EPB41L5: variants seen among roughly 807,000 people sequenced by gnomAD.
EPB41L5 encodes the protein erythrocyte membrane protein band 4.1 like 5, also known as band 4.1-like protein 5.
EPB41L5 carries 55 observed loss-of-function variants against 106.6 expected under a neutral mutation model. That is an observed-to-expected ratio of 0.52 (90% confidence interval 0.42 to 0.65). The LOEUF is 0.65. Among genes scored for constraint, EPB41L5 ranks in the 30% least tolerant of loss-of-function variants. The pLI is 0.00. For missense variants in EPB41L5, 871 were observed against 882.1 expected (o/e 0.99, Z 0.16); for synonymous variants, 297 against 306.7 (o/e 0.97, Z 0.33).
At chr2:120,045,916 T>C (rs1679740633) in intron 3 of EPB41L5, among the ~76,000 whole-genome samples, 1 of 152,172 alleles carries the variant, frequency 6.6e-6, no homozygotes, top group Admixed American at 6.5e-5. Context: ...TTGTTTGGTT[T>C]TCTGTCCTTG....
chr2:120,045,253 A>G (rs1431658327), intron 3 of EPB41L5, among the ~76,000 whole-genome samples: 1 of 152,232 alleles, frequency 6.6e-6, no homozygotes, highest in Non-Finnish European at 1.5e-5. Context: ...CGATGAAGCC[A>G]AAGTTCACTT....
At position 120,039,845 on chromosome 2, in the gene EPB41L5, A is replaced by AG. The variant is rs1421585559; in HGVS notation, c.181-2161_181-2160insG. ...TGTCTCAGGAAAAAAAAAAAAAAAAAAAGAAGAAAGTAATTTTATGAATAA... is the reference window on the plus strand; with the variant it reads ...TGTCTCAGGAAAAAAAAAAAAAAAAAGAAGAAGAAAGTAATTTTATGAATAA... On this transcript the variant is annotated intron_variant, in intron 2 of 24. Transcript: ENST00000263713. Among the ~76,000 whole-genome samples the AG allele has an allele frequency of 3.7e-3, 568 of 151,512 alleles. 2 individuals are homozygous for AG. The highest frequency in any genetic ancestry group is 0.012 in the African/African-American group (514 of 41,268).
chr2:120,045,704 C>T (rs1679720697), intron 3 of EPB41L5, among the ~76,000 whole-genome samples: 1 of 151,996 alleles, frequency 6.6e-6, no homozygotes, highest in African/African-American at 2.4e-5. Flanking sequence ...TTCTAGGATA[C>T]ATGTGCACAA....
At chr2:120,086,385 G>GTA (rs1487108951) in intron 10 of EPB41L5, among the ~76,000 whole-genome samples, 1 of 152,170 alleles carries the variant, frequency 6.6e-6, no homozygotes, top group African/African-American at 2.4e-5. Context: ...GAATTTACAA[G>GTA]TAGGGAGATA....
rs560433313 is a variant in EPB41L5, at chr2:120,090,468, G to A, written c.995G>A (p.Ser332Asn). The A allele has an allele frequency of 5.0e-6, 8 of 1,613,648 alleles. No individual in the cohort carries two copies. The highest frequency in any genetic ancestry group is 1.3e-5 in the African/African-American group (1 of 75,010). The change falls in exon 12 of 25, where the codon AGT becomes AAT. Residue 332 changes from serine to asparagine, a missense_variant. Physicochemically the swap from Ser to Asn is conservative, Grantham distance 46. Coordinates refer to ENST00000263713, the MANE Select transcript of EPB41L5 (RefSeq NM_020909.4). ...FFRLRGPVQK[S>N]SHRSGFIRLG... Reference sequence around the variant, plus strand: ...CGCCTTCGAGGCCCCGTCCAAAAGAGTTCTCATCGATCAGGATTTATTCGA... The same window carrying A: ...CGCCTTCGAGGCCCCGTCCAAAAGAATTCTCATCGATCAGGATTTATTCGA...
intron 2 of EPB41L5, among the ~76,000 whole-genome samples, chr2:120,032,971 T>A (rs1419320771): frequency 6.6e-6 from 1 of 152,240 alleles, no homozygotes; most frequent in Non-Finnish European, 1.5e-5. Context: ...AAAATGTTTT[T>A]TTCCTGTAAT....
intron 16 of EPB41L5, chr2:120,104,519 T>C (rs17669532): frequency 0.065 from 68,898 of 1,064,874 alleles, 2,459 homozygotes; most frequent in Non-Finnish European, 0.072. Context: ...TGTTCACACA[T>C]CACCAGACTG....
intron 16 of EPB41L5, among the ~76,000 whole-genome samples, chr2:120,121,871 C>T (rs1685230115): frequency 6.6e-6 from 1 of 152,212 alleles, no homozygotes; most frequent in African/African-American, 2.4e-5. Context: ...GATTGCCATT[C>T]TAACTGGTGT....
chr2:120,042,995 ATGTGTGTG>A (rs60253351), intron 3 of EPB41L5, among the ~76,000 whole-genome samples: 18,628 of 69,140 alleles, frequency 0.27, 1,299 homozygotes, highest in South Asian at 0.41. Flanking sequence ...TTTTCTGGAA[ATGTGTGTG>A]TGTGTGTGTG....
intron 3 of EPB41L5, among the ~76,000 whole-genome samples, chr2:120,056,387 C>T (rs1362278509): frequency 3.3e-5 from 5 of 151,630 alleles, no homozygotes; most frequent in African/African-American, 2.4e-5. Flanking sequence ...GCAACATCTG[C>T]CTCCTGGTTC....
At chr2:120,017,310 T>TA (rs1677590930) in intron 1 of EPB41L5, among the ~76,000 whole-genome samples, 1 of 152,260 alleles carries the variant, frequency 6.6e-6, no homozygotes, top group African/African-American at 2.4e-5. Context: ...TACCTCTTAT[T>TA]ATGTACCTCC....
intron 16 of EPB41L5, among the ~76,000 whole-genome samples, chr2:120,120,082 G>T (rs1471731035): frequency 6.6e-6 from 1 of 151,982 alleles, no homozygotes; most frequent in Non-Finnish European, 1.5e-5. Context: ...CTCTCATCTT[G>T]GATTTTTGAG....
rs534334773 is a variant in EPB41L5, at chr2:120,104,200, A to T, written c.1337+3386A>T. ...GTGAAGAATGCAGGAATCCGTCATGATGTTCATTTTCCTGGCCATACAGCC... is the reference window on the plus strand; with the variant it reads ...GTGAAGAATGCAGGAATCCGTCATGTTGTTCATTTTCCTGGCCATACAGCC... On this transcript the variant is annotated intron_variant, in intron 16 of 24. Coordinates refer to ENST00000263713, the MANE Select transcript of EPB41L5 (RefSeq NM_020909.4). 4 of 1,535,906 alleles carry T rather than the reference A, an allele frequency of 2.6e-6. No individual in the cohort carries two copies. In the South Asian group the frequency reaches 4.8e-5, roughly 18 times the overall value.
intron 2 of EPB41L5, among the ~76,000 whole-genome samples, chr2:120,026,353 GTTTT>G (rs1175137733): frequency 5.7e-5 from 8 of 140,822 alleles, no homozygotes; most frequent in Non-Finnish European, 1.1e-4. Context: ...ACCACTTTCT[GTTTT>G]TTTGTTTGTT....
chr2:120,169,285 C>T (rs1687560333), intron 24 of EPB41L5, among the ~76,000 whole-genome samples: 1 of 152,102 alleles, frequency 6.6e-6, no homozygotes, highest in South Asian at 2.1e-4. Context: ...TTAGTTGTCC[C>T]TGTGGGGAAA....
At chr2:120,057,399 A>G (rs1387627683) in intron 3 of EPB41L5, among the ~76,000 whole-genome samples, 1 of 152,164 alleles carries the variant, frequency 6.6e-6, no homozygotes, top group Non-Finnish European at 1.5e-5. Flanking sequence ...GATGATCTTA[A>G]ACTTAGAGTT....
chr2:120,165,311 G>GTATC (rs1216811665), intron 22 of EPB41L5, among the ~76,000 whole-genome samples: 1 of 152,156 alleles, frequency 6.6e-6, no homozygotes, highest in African/African-American at 2.4e-5. Context: ...TTGTCCCTCA[G>GTATC]TATCTGTGGG....
intron 3 of EPB41L5, among the ~76,000 whole-genome samples, chr2:120,050,233 C>T (rs1680136047): frequency 6.6e-6 from 1 of 152,168 alleles, no homozygotes; most frequent in Non-Finnish European, 1.5e-5. Context: ...TGGGGAAGTT[C>T]TCCTGGATGA....
intron 2 of EPB41L5, among the ~76,000 whole-genome samples, chr2:120,040,078 TA>T (rs1479633450): frequency 1.4e-5 from 2 of 147,214 alleles, no homozygotes; most frequent in Admixed American, 6.7e-5. Context: ...TTTTTATATA[TA>T]TATATATACG....
Sources: gnomAD v4.1 joint callset for allele counts (sites outside exome capture counted in the v4.1 genomes callset) on GRCh38, gnomAD v4.1.1 for gene constraint, MANE v1.5 for transcripts, NCBI Gene and HGNC (gene_info 2026-07-23, HGNC 2026-07-21) for gene names.